WRN: variants seen among roughly 807,000 people sequenced by gnomAD.
The protein encoded by WRN is WRN RecQ like helicase.
WRN carries 149 observed loss-of-function variants against 180.7 expected under a neutral mutation model. The ratio of observed to expected loss-of-function variants is 0.82; its 90% CI spans 0.72 to 0.94. The LOEUF (loss-of-function observed/expected upper bound fraction) is 0.94, where lower values mean the gene tolerates loss of function less well. Ranked by LOEUF, WRN falls within the 40% of genes least tolerant of loss-of-function variation. The pLI, the probability that WRN is intolerant of heterozygous loss-of-function variation, is 0.00. For missense variants in WRN, 1,661 were observed against 1,700.1 expected (o/e 0.98, Z 0.40); for synonymous variants, 548 against 568.9 (o/e 0.96, Z 0.52).
chr8:31,094,256 A>T (rs73581731), intron 16 of WRN, among the ~76,000 whole-genome samples: 2,796 of 152,202 alleles, frequency 0.018, 70 homozygotes, highest in African/African-American at 0.064. Context: ...ATATATAACC[A>T]TCATAATTAA....
At chr8:31,148,187 CTT>C (rs1480383081) in intron 30 of WRN, among the ~76,000 whole-genome samples, 1 of 152,056 alleles carries the variant, frequency 6.6e-6, no homozygotes, top group African/African-American at 2.4e-5. Flanking sequence ...TGCCTGGCCT[CTT>C]TTTCTCATTT....
At chr8:31,125,151 A>G in intron 23 of WRN, 151 bp downstream of exon 23, 1 of 751,930 alleles carries the variant, frequency 1.3e-6, no homozygotes, top group South Asian at 1.8e-5. Context: ...ACAATATTAA[A>G]GTATTTTGCT....
At chr8:31,057,496 A>G (rs1196135054) in intron 1 of WRN, among the ~76,000 whole-genome samples, 1 of 152,142 alleles carries the variant, frequency 6.6e-6, no homozygotes, top group African/African-American at 2.4e-5. Flanking sequence ...GCATGAACCC[A>G]GGAGGCAGAT....
At chr8:31,133,528 A>T (rs1319790278) in intron 24 of WRN, among the ~76,000 whole-genome samples, 1 of 145,766 alleles carries the variant, frequency 6.9e-6, no homozygotes, top group Non-Finnish European at 1.5e-5. Flanking sequence ...CTGTCTCAAT[A>T]AAAAAAAAAA....
At chr8:31,076,595 ATACAT>A (rs2130097061) in intron 8 of WRN, among the ~76,000 whole-genome samples, 1 of 152,168 alleles carries the variant, frequency 6.6e-6, no homozygotes, top group East Asian at 1.9e-4. Context: ...AAAATAAATT[ATACAT>A]TAAGGAAAAT....
chr8:31,176,103 G>C lies in WRN; in HGVS notation c.*3001G>C, dbSNP rs1306858986. ...ATTATGTACCTTACTTCATATTGTT[G>C]GACATTAAAGTTGCTTTCAGTTTTT... On this transcript the variant is annotated 3_prime_UTR_variant, in exon 35 of 35. Coordinates refer to ENST00000298139, the MANE Select transcript of WRN (RefSeq NM_000553.6). 6.6e-6 allele frequency among the ~76,000 whole-genome samples: 1 copy of C among 152,014 alleles called. No individual in the cohort carries two copies. Among genetic ancestry groups the C allele is most frequent in the East Asian group, 1.9e-4 (1 of 5,182 alleles).
At position 31,074,612 on chromosome 8, in the gene WRN, C is replaced by CT. The variant is rs149231581; in HGVS notation, c.725-1559dup. On this transcript the variant is annotated intron_variant, in intron 7 of 34. Coordinates refer to ENST00000298139, the MANE Select transcript of WRN (RefSeq NM_000553.6). The stretch of plus-strand genomic sequence containing the variant: ...GAAATCTGTCATGAGTTTAAAATAA[C>CT]TTGTGTCATCATCGATGTGTTTATT... Among the ~76,000 whole-genome samples the CT allele has an allele frequency of 6.9e-4, 105 of 152,194 alleles. 1 individual carries two copies. The East Asian group carries it at 0.016, about 23-fold the overall frequency.
At position 31,088,977 on chromosome 8, in the gene WRN, C is replaced by G. The variant is rs1813642466; in HGVS notation, c.1652+12C>G. On this transcript the variant is annotated intron_variant, in intron 13 of 34. Transcript: ENST00000298139. ...TCCAGTTTTAAACCGTGAGTATAAT[C>G]TCATTTAATCAAATCACATATTTAG... 6.2e-7 allele frequency: 1 copy of G among 1,603,096 alleles called. No individual in the cohort carries two copies. Among genetic ancestry groups the G allele is most frequent in the Non-Finnish European group, 8.5e-7 (1 of 1,173,028 alleles).
At chr8:31,047,778 A>G (rs1423745485) in intron 1 of WRN, among the ~76,000 whole-genome samples, 2 of 152,202 alleles carry the variant, frequency 1.3e-5, no homozygotes. Context: ...CCGGTTTATA[A>G]TGGTTGATTT....
At chr8:31,047,521 T>G (rs1315219934) in intron 1 of WRN, among the ~76,000 whole-genome samples, 1 of 152,162 alleles carries the variant, frequency 6.6e-6, no homozygotes, top group Non-Finnish European at 1.5e-5. Flanking sequence ...GACACCTTCC[T>G]TAAAGCGCAT....
At chr8:31,056,775 G>A (rs926674051) in intron 1 of WRN, among the ~76,000 whole-genome samples, 2 of 152,168 alleles carry the variant, frequency 1.3e-5, no homozygotes, top group African/African-American at 4.8e-5. Context: ...ACATTTTCAA[G>A]CATAAATTAA....
chr8:31,061,140 T>G (rs1022013672), intron 3 of WRN, among the ~76,000 whole-genome samples: 1 of 152,178 alleles, frequency 6.6e-6, no homozygotes, highest in East Asian at 1.9e-4. Flanking sequence ...GGCTCTTTCC[T>G]TTCAGTCTTT....
At chr8:31,123,887 C>A (rs1171150103) in intron 21 of WRN, among the ~76,000 whole-genome samples, 1 of 152,016 alleles carries the variant, frequency 6.6e-6, no homozygotes, top group African/African-American at 2.4e-5. Context: ...AAAACAAACA[C>A]CTCCTTAATG....
intron 33 of WRN, among the ~76,000 whole-genome samples, chr8:31,163,162 G>A (rs1174715348): frequency 6.6e-6 from 1 of 152,252 alleles, no homozygotes; most frequent in Non-Finnish European, 1.5e-5. Context: ...ATATGTTCCT[G>A]AATGTCCTAA....
At chr8:31,049,746 C>G (rs922603907) in intron 1 of WRN, among the ~76,000 whole-genome samples, 11 of 151,938 alleles carry the variant, frequency 7.2e-5, no homozygotes, top group Non-Finnish European at 2.9e-5. Context: ...CCTACAGATT[C>G]CTGACCTCTC....
At chr8:31,150,300 C>CACTG in intron 30 of WRN, 41 bp from the exon 31 acceptor site, 3 of 1,523,506 alleles carry the variant, frequency 2.0e-6, no homozygotes, top group Non-Finnish European at 2.7e-6. Context: ...TCAGTGGTTT[C>CACTG]TTGACCTTTT....
intron 33 of WRN, among the ~76,000 whole-genome samples, chr8:31,163,359 A>G (rs950134844): frequency 4.6e-5 from 7 of 152,234 alleles, no homozygotes; most frequent in African/African-American, 1.7e-4. Context: ...TTAGAAATGA[A>G]ACTGGAAATC....
intron 16 of WRN, among the ~76,000 whole-genome samples, chr8:31,094,168 A>G: frequency 6.6e-6 from 1 of 152,128 alleles, no homozygotes; most frequent in Non-Finnish European, 1.5e-5. Flanking sequence ...CTTTTTTCTA[A>G]TTGAGATAAA....
At chr8:31,047,123 T>C (rs1811897831) in intron 1 of WRN, among the ~76,000 whole-genome samples, 1 of 151,078 alleles carries the variant, frequency 6.6e-6, no homozygotes, top group African/African-American at 2.4e-5. Context: ...TTTCTCTTTC[T>C]ACCTGGCAAT....
Sources: allele counts gnomAD v4.1 joint callset (sites outside exome capture counted in the v4.1 genomes callset), GRCh38; gene constraint gnomAD v4.1.1; transcripts MANE v1.5; gene names NCBI Gene and HGNC (gene_info 2026-07-23, HGNC 2026-07-21).